The following CNTNAP5 variants were observed in gnomAD, a reference collection of about 807,000 sequenced individuals.
CNTNAP5 encodes the protein contactin-associated protein-like 5.
In CNTNAP5, 72 loss-of-function variants were observed where a neutral mutation model predicts 150.2. The ratio of observed to expected loss-of-function variants is 0.48; its 90% confidence interval spans 0.40 to 0.58. CNTNAP5 has a LOEUF of 0.58. Ranked by LOEUF, CNTNAP5 falls within the 20% of genes least tolerant of loss-of-function variation. The probability of loss-of-function intolerance (pLI) is 0.00; values close to 1 mark genes in which losing one functional copy is unlikely to be tolerated. For missense variants in CNTNAP5, 1,636 were observed against 1,626.2 expected (o/e 1.01, Z -0.10); for synonymous variants, 672 against 619.8 (o/e 1.08, Z -1.25).
intron 3 of CNTNAP5, among the ~76,000 whole-genome samples, chr2:124,242,817 G>A (rs1430982395): frequency 2.0e-5 from 3 of 152,164 alleles, no homozygotes; most frequent in Non-Finnish European, 2.9e-5. Flanking sequence ...TACATCATTT[G>A]ATCAACATTG....
intron 3 of CNTNAP5, among the ~76,000 whole-genome samples, chr2:124,347,872 T>C (rs1689778494): frequency 6.6e-6 from 1 of 151,732 alleles, no homozygotes. Context: ...TCACCCAGGC[T>C]GGAGTGCAGT....
At chr2:124,202,537 T>C (rs1179107578) in intron 1 of CNTNAP5, among the ~76,000 whole-genome samples, 1 of 152,190 alleles carries the variant, frequency 6.6e-6, no homozygotes, top group African/African-American at 2.4e-5. Flanking sequence ...GAAGTCTGCA[T>C]ACGAGCATTG....
At chr2:124,821,912 C>T (rs896158438) in intron 19 of CNTNAP5, among the ~76,000 whole-genome samples, 3 of 152,214 alleles carry the variant, frequency 2.0e-5, no homozygotes, top group Non-Finnish European at 2.9e-5. Flanking sequence ...GGTCCTACAG[C>T]TAGACTGCAA....
intron 13 of CNTNAP5, among the ~76,000 whole-genome samples, chr2:124,679,004 A>G (rs1558732529): frequency 6.6e-6 from 1 of 151,948 alleles, no homozygotes; most frequent in Non-Finnish European, 1.5e-5. Flanking sequence ...GGCAGGGCAT[A>G]GTAAACTCTG....
At chr2:124,304,464 G>GGAATTATATATATATA (rs373451824) in intron 3 of CNTNAP5, among the ~76,000 whole-genome samples, 19 of 152,024 alleles carry the variant, frequency 1.2e-4, no homozygotes, top group African/African-American at 4.6e-4. Context: ...GAAGGTTATA[G>GGAATTATATATATATA]GAGCCAGATA....
At chr2:124,613,134 A>C (rs924035350) in intron 12 of CNTNAP5, among the ~76,000 whole-genome samples, 1 of 152,252 alleles carries the variant, frequency 6.6e-6, no homozygotes, top group African/African-American at 2.4e-5. Context: ...ATTTAAATGG[A>C]AAACAATTTT....
intron 22 of CNTNAP5, among the ~76,000 whole-genome samples, chr2:124,906,780 A>G (rs1678546565): frequency 6.6e-6 from 1 of 152,136 alleles, no homozygotes. Context: ...TCTTCCAGCA[A>G]TGTATTGCCC....
chr2:124,684,795 C>T (rs1390158899), intron 13 of CNTNAP5, among the ~76,000 whole-genome samples: 1 of 152,206 alleles, frequency 6.6e-6, no homozygotes, highest in Non-Finnish European at 1.5e-5. Flanking sequence ...ATTCTCACAA[C>T]AAACTGTAAG....
chr2:124,255,913 G>A (rs1687300798), intron 3 of CNTNAP5, among the ~76,000 whole-genome samples: 1 of 152,112 alleles, frequency 6.6e-6, no homozygotes, highest in Admixed American at 6.5e-5. Flanking sequence ...TAAATGTGAT[G>A]TCATTTTCAA....
intron 3 of CNTNAP5, among the ~76,000 whole-genome samples, chr2:124,361,646 TGAG>T (rs1365326163): frequency 1.4e-5 from 2 of 139,856 alleles, no homozygotes; most frequent in African/African-American, 2.7e-5. Context: ...GGGACCCACT[TGAG>T]GAGGCAGTCT....
intron 19 of CNTNAP5, among the ~76,000 whole-genome samples, chr2:124,805,121 G>A (rs1407985321): frequency 6.6e-6 from 1 of 152,044 alleles, no homozygotes; most frequent in Non-Finnish European, 1.5e-5. Flanking sequence ...GGCCTGGAAG[G>A]GACATTACCC....
At position 124,798,227 on chromosome 2, in the gene CNTNAP5, G is replaced by T. The variant is rs1681888896; in HGVS notation, c.3124G>T (p.Ala1042Ser). 6.2e-7 allele frequency: 1 copy of T among 1,613,758 alleles called. No homozygotes were observed. The highest frequency in any genetic ancestry group is 8.5e-7 in the Non-Finnish European group (1 of 1,179,810). Residue 1042 changes from alanine to serine, a missense_variant, in exon 19 of 24, where the codon GCA (alanine) becomes TCA (serine). Ala to Ser is a moderately conservative substitution (Grantham distance 99, BLOSUM62 1). Coordinates refer to ENST00000682447, the MANE Select transcript of CNTNAP5 (RefSeq NM_001367498.1). ...TTCAGCTCCATCCAAGGAAAACATT[G>T]CACTTAGCTTTGTGACAACCCAGGC... Reference protein sequence around the residue: ...TDSAPSKENIALSFVTTQAPS... With the variant: ...TDSAPSKENISLSFVTTQAPS...
At chr2:124,892,818 A>G (rs1408612409) in intron 21 of CNTNAP5, among the ~76,000 whole-genome samples, 1 of 152,148 alleles carries the variant, frequency 6.6e-6, no homozygotes, top group Admixed American at 6.6e-5. Flanking sequence ...AATGCCTCCT[A>G]TACAGAAATC....
intron 10 of CNTNAP5, among the ~76,000 whole-genome samples, chr2:124,542,861 G>C (rs186079682): frequency 6.6e-6 from 1 of 152,250 alleles, no homozygotes; most frequent in East Asian, 1.9e-4. Flanking sequence ...GCTCTCAGTA[G>C]CTGGGGGATA....
At chr2:124,162,234 G>C (rs1049598026) in intron 1 of CNTNAP5, among the ~76,000 whole-genome samples, 5 of 152,104 alleles carry the variant, frequency 3.3e-5, no homozygotes, top group African/African-American at 1.2e-4. Flanking sequence ...TTTTTTGTTA[G>C]TAATTATTGA....
At chr2:124,263,121 TGC>T in intron 3 of CNTNAP5, among the ~76,000 whole-genome samples, 2 of 152,304 alleles carry the variant, frequency 1.3e-5, no homozygotes, top group Admixed American at 6.5e-5. Flanking sequence ...CGTGTGTGTG[TGC>T]CTTTATAACA....
At chr2:124,886,339 T>G (rs1399971753) in intron 21 of CNTNAP5, among the ~76,000 whole-genome samples, 1 of 152,072 alleles carries the variant, frequency 6.6e-6, no homozygotes, top group Non-Finnish European at 1.5e-5. Flanking sequence ...GGCAGGAGTG[T>G]CTCTGCACTC....
At chr2:124,747,175 C>T in intron 13 of CNTNAP5, 54 bp from the exon 14 acceptor site, 7 of 1,565,388 alleles carry the variant, frequency 4.5e-6, no homozygotes, top group Non-Finnish European at 6.1e-6. Context: ...GTGCCATCCC[C>T]TGTGTTACTT....
intron 10 of CNTNAP5, among the ~76,000 whole-genome samples, chr2:124,532,091 G>A (rs550638859): frequency 1.3e-5 from 2 of 152,254 alleles, no homozygotes; most frequent in African/African-American, 4.8e-5. Flanking sequence ...GTCCAGTGTA[G>A]CATTATTAGG....
Sources: allele counts gnomAD v4.1 joint callset (sites outside exome capture counted in the v4.1 genomes callset), GRCh38; gene constraint gnomAD v4.1.1; transcripts MANE v1.5; gene names NCBI Gene and HGNC (gene_info 2026-07-23, HGNC 2026-07-21).